Variants in CEP250 observed in about 807,000 individuals in gnomAD.
The protein encoded by CEP250 is centrosomal protein 250, also known as centrosome-associated protein CEP250.
Under a neutral mutation model 315.7 loss-of-function variants are expected in CEP250, and 242 were observed. That is an observed-to-expected ratio of 0.77 (90% CI 0.69 to 0.85). The LOEUF is 0.85. Ranked by LOEUF, CEP250 falls within the 40% of genes least tolerant of loss-of-function variation. The probability of loss-of-function intolerance (pLI) is 0.00; values close to 1 mark genes in which losing one functional copy is unlikely to be tolerated. For synonymous variants in CEP250, 1,088 were observed against 1,175.0 expected (o/e 0.93, Z 1.51); for missense variants, 2,515 against 2,886.4 (o/e 0.87, Z 2.95).
rs1418697110 is a variant in CEP250 at position 35,478,006 on chromosome 20, C to T, written c.1999C>T (p.Gln667Ter). The change falls in exon 17 of 35, where the codon CAG becomes TAG. Residue 667 changes from glutamine to a stop codon, truncating the protein, a stop_gained. Coordinates refer to ENST00000397527, the MANE Select transcript of CEP250 (RefSeq NM_007186.6). LOFTEE classifies it high-confidence loss of function. ...LWEKNTHLEA[Q>*]LQKAEEAGAE... Reference sequence around the variant, plus strand: ...GGAAAAGAACACTCACCTGGAGGCTCAGCTGCAGAAAGCTGAGGAGGCTGG... The same window carrying T: ...GGAAAAGAACACTCACCTGGAGGCTTAGCTGCAGAAAGCTGAGGAGGCTGG... 1 of 1,613,904 alleles carries T rather than the reference C, an allele frequency of 6.2e-7. No homozygotes were observed. The highest frequency in any genetic ancestry group is 2.2e-5 in the East Asian group (1 of 44,890).
intron 20 of CEP250, among the ~76,000 whole-genome samples, chr20:35,489,004 G>A (rs1461687221): frequency 6.6e-6 from 1 of 152,054 alleles, no homozygotes; most frequent in African/African-American, 2.4e-5. Context: ...TGGCCAACGT[G>A]GTGAAACCAT....
chr20:35,500,023 G>A (rs368987593), intron 27 of CEP250, 26 bp from the exon 28 acceptor site: 22 of 1,613,832 alleles, frequency 1.4e-5, no homozygotes, highest in East Asian at 1.3e-4. Context: ...AGGAACTCAC[G>A]TTTAGCCATG....
chr20:35,472,094 T>G lies in CEP250; in HGVS notation c.993T>G (p.Ser331Arg), dbSNP rs2063037998. 2.3e-5 allele frequency: 37 copies of G among 1,613,448 alleles called. No homozygotes were observed. Among genetic ancestry groups the G allele is most frequent in the Non-Finnish European group, 3.1e-5 (36 of 1,179,332 alleles). The change falls in exon 11 of 35, where the codon AGT becomes AGG. Residue 331 changes from serine (S) to arginine (R), a missense_variant. By Grantham distance (110) the Ser-to-Arg change is moderately radical. Coordinates refer to ENST00000397527, the MANE Select transcript of CEP250 (RefSeq NM_007186.6). ...TELMEHEASL[S>R]RNAQEEKLSL... ...TAATGGAACATGAAGCATCTCTTAGTAGGAATGCGCAAGAGGAGAAGTTGT... is the reference window on the plus strand; with the variant it reads ...TAATGGAACATGAAGCATCTCTTAGGAGGAATGCGCAAGAGGAGAAGTTGT...
rs199810583 is a variant in CEP250 at position 35,479,366 on chromosome 20, C to T, written c.2230C>T (p.Arg744Trp). The T allele has an allele frequency of 1.6e-4, 264 of 1,614,040 alleles. 1 individual carries two copies. Among genetic ancestry groups the T allele is most frequent in the Non-Finnish European group, 2.0e-4 (239 of 1,180,034 alleles). ...ACGAGAGAAAGCGGCTCTAGAGGTG[C>T]GGCTGCAGGCCGTGGAGCGTGACCG... is the stretch of plus-strand genomic sequence containing the variant. ...LVREKAALEVRLQAVERDRQD... is the reference protein window; with the variant it reads ...LVREKAALEVWLQAVERDRQD... Residue 744 changes from arginine (R) to tryptophan (W), a missense_variant, in exon 18 of 35, where the codon CGG becomes TGG. Physicochemically the swap from Arg to Trp is moderately radical, Grantham distance 101. Coordinates refer to ENST00000397527, the MANE Select transcript of CEP250 (RefSeq NM_007186.6).
intron 1 of CEP250, among the ~76,000 whole-genome samples, chr20:35,456,423 G>C (rs1368949274): frequency 6.6e-6 from 1 of 152,142 alleles, no homozygotes; most frequent in Non-Finnish European, 1.5e-5. Flanking sequence ...TTTGGCCCTG[G>C]GAGTTATTGG....
At chr20:35,462,122 T>G in intron 3 of CEP250, 143 bp from the exon 4 acceptor site, 1 of 324,498 alleles carries the variant, frequency 3.1e-6, no homozygotes. Context: ...GCTTGTCTCA[T>G]GGTCAGTTAA....
intron 26 of CEP250, among the ~76,000 whole-genome samples, chr20:35,498,392 A>G (rs1466712302): frequency 2.0e-5 from 3 of 152,190 alleles, no homozygotes; most frequent in South Asian, 4.1e-4. Context: ...AGTGCGTAAT[A>G]AGTGATAGCT....
Position 35,504,171 on chromosome 20 carries a change from G to A in CEP250, c.5802G>A (p.Val1934=). Residue 1934 remains valine, a synonymous_variant, in exon 30 of 35, where the codon GTG becomes GTA. Coordinates refer to ENST00000397527, the MANE Select transcript of CEP250 (RefSeq NM_007186.6). ...ACAGCTGGCTGCAGGCCCAGGCAGTGCTCAAGGAACGGGACCAGGAGCTGG... is the reference window on the plus strand; with the variant it reads ...ACAGCTGGCTGCAGGCCCAGGCAGTACTCAAGGAACGGGACCAGGAGCTGG... ...LQDSWLQAQA[V]LKERDQELEA... 1 of 1,613,924 alleles carries A rather than the reference G, an allele frequency of 6.2e-7. No individual in the cohort carries two copies. Among genetic ancestry groups the A allele is most frequent in the South Asian group, 1.1e-5 (1 of 91,076 alleles).
chr20:35,473,261 C>G (rs1454355613), intron 12 of CEP250, 113 bp from the exon 13 acceptor site: 1 of 838,420 alleles, frequency 1.2e-6, no homozygotes, highest in East Asian at 2.6e-5. Context: ...CCCTTCTCAG[C>G]TTTCTTTTGT....
At chr20:35,465,675 G>A (rs1296097700) in intron 5 of CEP250, 68 bp from the exon 6 acceptor site, 8 of 1,137,212 alleles carry the variant, frequency 7.0e-6, no homozygotes, top group Non-Finnish European at 9.9e-6. Context: ...ATGGAAGGGA[G>A]CCTTAGGGAA....
Position 35,504,572 on chromosome 20 carries a change from G to T in CEP250, c.6203G>T (p.Arg2068Met). 6.2e-7 allele frequency: 1 copy of T among 1,614,168 alleles called. No individual in the cohort carries two copies. The highest frequency in any genetic ancestry group is 2.2e-5 in the East Asian group (1 of 44,882). ...EQLLEKSLAQRVQENMIQEKQ... is the reference protein window; with the variant it reads ...EQLLEKSLAQMVQENMIQEKQ... ...CTGCTGGAGAAGTCTCTGGCCCAGA[G>T]GGTCCAAGAGAATATGATCCAAGAG... The change falls in exon 30 of 35, where the codon AGG becomes ATG. Residue 2068 changes from arginine to methionine, a missense_variant. Coordinates refer to ENST00000397527, the MANE Select transcript of CEP250 (RefSeq NM_007186.6).
rs1369192937 is a variant in CEP250, at chr20:35,462,547, G to A, written c.180G>A (p.Gln60=). Residue 60 remains glutamine (Q), a synonymous_variant, in exon 4 of 35, where the codon CAG becomes CAA. Coordinates refer to ENST00000397527, the MANE Select transcript of CEP250 (RefSeq NM_007186.6). ...AAGCAACCCTTGTGAGGAAGCTGCA[G>A]GCCAAGGTGAGGCAGCTGCCCTTTT... ...QRQATLVRKL[Q]AKVLQYRSWC... is the part of the protein sequence containing the mutation. 2 of 1,600,998 alleles carry A rather than the reference G, an allele frequency of 1.2e-6. No homozygotes were observed. The highest frequency in any genetic ancestry group is 3.4e-5 in the Admixed American group (2 of 58,296).
rs771919399 is a variant in CEP250 at position 35,503,248 on chromosome 20, G to A, written c.4879G>A (p.Glu1627Lys). 49 of 1,614,234 alleles carry A rather than the reference G, an allele frequency of 3.0e-5. No individual in the cohort carries two copies. In the East Asian group the frequency reaches 5.8e-4, roughly 19 times the overall value. ...HSTVLARELQ[E>K]RDQEVKSQRE... ...CACCGTTCTGGCAAGAGAGCTGCAG[G>A]AGAGGGACCAGGAGGTGAAGTCTCA... Residue 1627 changes from glutamate to lysine, a missense_variant, in exon 30 of 35, where the codon GAG becomes AAG. Physicochemically the swap from Glu to Lys is moderately conservative, Grantham distance 56 (BLOSUM62 1). Transcript: ENST00000397527. This position sits in a 1 kb window ranked among gnomAD's most constrained non-coding sequence, Gnocchi z 4.2.
chr20:35,463,678 T>C (rs370776783), intron 5 of CEP250, 47 bp downstream of exon 5: 50 of 1,509,174 alleles, frequency 3.3e-5, no homozygotes, highest in Non-Finnish European at 4.3e-5. Flanking sequence ...TCAGTGAATA[T>C]ACTTGTTAGG....
chr20:35,512,241 A>G lies in CEP250; in HGVS notation c.*615A>G. On this transcript the variant is annotated 3_prime_UTR_variant, in exon 35 of 35. Transcript: ENST00000397527. The stretch of plus-strand genomic sequence containing the variant: ...TGACTAGAAGAACTGTAGAAATTCC[A>G]GGGGCTGAGGAAGGGAGGCACGAAC... The G allele has an allele frequency of 5.7e-6, 1 of 176,292 alleles. No individual in the cohort carries two copies. Among genetic ancestry groups the G allele is most frequent in the Non-Finnish European group, 1.1e-5 (1 of 89,996 alleles). 10.9% of individuals were successfully genotyped at this position (176,292 alleles called of 1,614,324 possible).
At chr20:35,459,527 ATGCCAT>A (rs773440473) in intron 2 of CEP250, among the ~76,000 whole-genome samples, 1 of 151,970 alleles carries the variant, frequency 6.6e-6, no homozygotes, top group African/African-American at 2.4e-5. Context: ...CACACCTATA[ATGCCAT>A]TGCTTTGGGA....
Position 35,503,844 on chromosome 20 carries a change from A to G in CEP250, c.5475A>G (p.Glu1825=). 1 of 1,613,974 alleles carries G rather than the reference A, an allele frequency of 6.2e-7. No individual in the cohort carries two copies. Among genetic ancestry groups the G allele is most frequent in the Non-Finnish European group, 8.5e-7 (1 of 1,179,968 alleles). Residue 1825 remains glutamate (E), a synonymous_variant, in exon 30 of 35, where the codon GAA becomes GAG. Transcript: ENST00000397527. This position sits in a 1 kb window ranked among gnomAD's most constrained non-coding sequence, Gnocchi z 4.2. ...AGGAACTGGAGGCTCTGCAGCAAGA[A>G]CAGCAGCAGGCCCAGGGACAGGAGG... ...RDQELEALQQ[E]QQQAQGQEER...
Position 35,504,136 on chromosome 20 carries a change from G to T in CEP250, c.5767G>T (p.Ala1923Ser), listed in dbSNP as rs778242812. 6.2e-7 allele frequency: 1 copy of T among 1,614,016 alleles called. No individual in the cohort carries two copies. ...QAQEHEVETR[A>S]LQDSWLQAQA... is the part of the protein sequence containing the mutation. ...ACAGGAGCATGAGGTGGAGACCAGG[G>T]CCCTGCAGGACAGCTGGCTGCAGGC... The change falls in exon 30 of 35, where the codon GCC becomes TCC. Residue 1923 changes from alanine (A) to serine (S), a missense_variant. Ala to Ser is a moderately conservative substitution (Grantham distance 99, BLOSUM62 1). Transcript: ENST00000397527.
chr20:35,456,288 A>T (rs924582261), intron 1 of CEP250, among the ~76,000 whole-genome samples: 2 of 152,216 alleles, frequency 1.3e-5, no homozygotes, highest in African/African-American at 2.4e-5. Context: ...ATTCATAGAA[A>T]AAGTAATTTG....
Sources: gnomAD v4.1 joint callset for allele counts (sites outside exome capture counted in the v4.1 genomes callset) on GRCh38, gnomAD v4.1.1 for gene constraint, Gnocchi (gnomAD v3.1) non-coding constraint, MANE v1.5 for transcripts, NCBI Gene and HGNC (gene_info 2026-07-23, HGNC 2026-07-21) for gene names.